Variants in HSP90AA1 observed in about 807,000 individuals in gnomAD.
The protein encoded by HSP90AA1 is heat shock protein HSP 90-alpha.
HSP90AA1 carries 18 observed loss-of-function variants against 73.3 expected under a neutral mutation model. That is an observed-to-expected ratio of 0.25 (90% CI 0.17 to 0.36). The LOEUF is 0.36. Among genes scored for constraint, HSP90AA1 ranks in the 10% least tolerant of loss-of-function variants. The pLI, the probability that HSP90AA1 is intolerant of heterozygous loss-of-function variation, is 1.00. For synonymous variants in HSP90AA1, 477 were observed against 296.9 expected, an observed-to-expected ratio of 1.61 and a Z score of -6.24; for missense variants, 704 against 874.2, an observed-to-expected ratio of 0.81 and a Z score of 2.45.
chr14:102,122,965 G>A (rs2049798860), intron 1 of HSP90AA1, among the ~76,000 whole-genome samples: 1 of 152,130 alleles, frequency 6.6e-6, no homozygotes, highest in South Asian at 2.1e-4. Context: ...ACTGCGCCCA[G>A]CCAATACTCT....
At chr14:102,129,670 T>G (rs1416858190) in intron 1 of HSP90AA1, among the ~76,000 whole-genome samples, 1 of 151,816 alleles carries the variant, frequency 6.6e-6, no homozygotes, top group Non-Finnish European at 1.5e-5. Context: ...TCCCAGCTAA[T>G]TTTTGTATTT....
chr14:102,087,077 G>A, upstream of HSP90AA1: 2 of 983,698 alleles, frequency 2.0e-6, no homozygotes, highest in Non-Finnish European at 2.4e-6. Flanking sequence ...CTTATATAGC[G>A]ACGGGCCCGC....
At position 102,083,089 on chromosome 14, in the gene HSP90AA1, T is replaced by C; in HGVS notation, c.1700A>G (p.Lys567Arg). ...EKKKQEEKKT[K>R]FENLCKIMKD... is the part of the protein sequence containing the mutation. Reference sequence around the variant, plus strand: ...CATGATTTTGCAGAGGTTCTCAAACTTTGTTTTTTTCTCTTCCTGCTTCTT... The same window carrying C: ...CATGATTTTGCAGAGGTTCTCAAACCTTGTTTTTTTCTCTTCCTGCTTCTT... Residue 567 changes from lysine to arginine, a missense_variant, in exon 9 of 11, where the codon AAG becomes AGG. Coordinates refer to ENST00000216281, the MANE Select transcript of HSP90AA1 (RefSeq NM_005348.4). 6.2e-7 allele frequency: 1 copy of C among 1,613,938 alleles called. No homozygotes were observed. Among genetic ancestry groups the C allele is most frequent in the African/African-American group, 1.3e-5 (1 of 75,048 alleles).
At chr14:102,115,519 T>G (rs1392492636) in intron 1 of HSP90AA1, among the ~76,000 whole-genome samples, 1 of 152,176 alleles carries the variant, frequency 6.6e-6, no homozygotes, top group Non-Finnish European at 1.5e-5. Context: ...TGTAACAGTT[T>G]TACACCAACA....
upstream of HSP90AA1, among the ~76,000 whole-genome samples, chr14:102,089,396 C>T (rs76838299): frequency 2.0e-5 from 3 of 152,154 alleles, no homozygotes; most frequent in Admixed American, 1.3e-4. Context: ...TTCCAGCTCT[C>T]CCCCCTCGGT....
At chr14:102,112,395 TG>T (rs1160492107) in intron 1 of HSP90AA1, among the ~76,000 whole-genome samples, 2 of 152,210 alleles carry the variant, frequency 1.3e-5, no homozygotes, top group East Asian at 3.8e-4. Context: ...AGGATGGTCT[TG>T]ATCTCTTGAC....
Position 102,081,452 on chromosome 14 carries a change from T to C in HSP90AA1, c.*260A>G. On this transcript the variant is annotated 3_prime_UTR_variant, in exon 11 of 11. Coordinates refer to ENST00000216281, the MANE Select transcript of HSP90AA1 (RefSeq NM_005348.4). ...TTAGACCACAAAGTTAACATCATGT[T>C]ACATACGTCTTACAGTGCACGTTAC... 1 of 547,178 alleles carries C rather than the reference T, an allele frequency of 1.8e-6. No homozygotes were observed. Among genetic ancestry groups the C allele is most frequent in the East Asian group, 3.1e-5 (1 of 32,482 alleles). The allele number at this position is 547,178 out of a possible 1,614,324, so 33.9% of individuals were successfully genotyped here. A position where few individuals can be genotyped will look rare whatever the true frequency, so the allele number is the denominator to read the frequency against.
intron 1 of HSP90AA1, among the ~76,000 whole-genome samples, chr14:102,112,184 C>T (rs1401088074): frequency 2.0e-5 from 3 of 152,148 alleles, no homozygotes; most frequent in African/African-American, 7.2e-5. Flanking sequence ...TGCTCTCTCT[C>T]TCTTTTTGAG....
upstream of HSP90AA1, among the ~76,000 whole-genome samples, chr14:102,088,657 C>T (rs2049306472): frequency 6.6e-6 from 1 of 152,190 alleles, no homozygotes; most frequent in South Asian, 2.1e-4. Context: ...GGCTTTCCTA[C>T]AGCTGCAGCC....
rs1234857823 is a variant in HSP90AA1, at chr14:102,083,703, A to G, written c.1339-10T>C. On this transcript the variant is annotated splice_polypyrimidine_tract_variant and intron_variant, in intron 7 of 10. Coordinates refer to ENST00000216281, the MANE Select transcript of HSP90AA1 (RefSeq NM_005348.4). Reference sequence around the variant, plus strand: ...CTTCGTGTATTCCAAGCTGAAACAAAGTATGTTCTTTACAAAGACTTTCTG... The same window carrying G: ...CTTCGTGTATTCCAAGCTGAAACAAGGTATGTTCTTTACAAAGACTTTCTG... The G allele has an allele frequency of 6.3e-7, 1 of 1,599,152 alleles. No homozygotes were observed. The highest frequency in any genetic ancestry group is 8.6e-7 in the Non-Finnish European group (1 of 1,166,816).
At position 102,082,461 on chromosome 14, in the gene HSP90AA1, A is replaced by G. The variant is rs2049120493; in HGVS notation, c.1756-17T>C. On this transcript the variant is annotated splice_polypyrimidine_tract_variant and intron_variant, in intron 9 of 10. Coordinates refer to ENST00000216281, the MANE Select transcript of HSP90AA1 (RefSeq NM_005348.4). ...CACAACCACCTGTAATCAAAAAGTG[A>G]TGACTAGGAACCTAGAAAGATTAAT... is the stretch of plus-strand genomic sequence containing the variant. The G allele has an allele frequency of 6.9e-6, 11 of 1,587,438 alleles. No individual in the cohort carries two copies. The Admixed American group carries it at 1.7e-4, about 24-fold the overall frequency.
intron 2 of HSP90AA1, among the ~76,000 whole-genome samples, chr14:102,094,625 G>A (rs2049400742): frequency 6.6e-6 from 1 of 152,170 alleles, no homozygotes; most frequent in Non-Finnish European, 1.5e-5. Context: ...GTTAGCCAGG[G>A]AACAGTGAGA....
Position 102,122,814 on chromosome 14 carries a change from CCT to C in HSP90AA1, c.155+16434_155+16435del, listed in dbSNP as rs558055294. ...TCCCGAGTAGCTGGGATTACAGGTG[CCT>C]GCCACCATGCCCAGCTGATTTTTGT... On this transcript the variant is annotated intron_variant, in intron 1 of 11. Coordinates refer to the HSP90AA1 transcript ENST00000334701. Among the ~76,000 whole-genome samples, 474 of 151,676 alleles carry C rather than the reference CCT, an allele frequency of 3.1e-3. 3 individuals are homozygous for C. The highest frequency in any genetic ancestry group is 0.014 in the Middle Eastern group (4 of 292).
At position 102,082,096 on chromosome 14, in the gene HSP90AA1, T is replaced by C. The variant is rs766839006; in HGVS notation, c.2089+15A>G. 1.2e-5 allele frequency: 18 copies of C among 1,529,520 alleles called. No individual in the cohort carries two copies. Among genetic ancestry groups the C allele is most frequent in the South Asian group, 5.6e-5 (5 of 89,238 alleles). The allele number at this position is 1,529,520 out of a possible 1,614,324, so 94.7% of individuals were successfully genotyped here. On this transcript the variant is annotated intron_variant, in intron 10 of 10. Transcript: ENST00000216281. ...TGTTTATTTTCTTTTTAACATTACA[T>C]AGTATAAGGCTTACCCAGACCAAGT...
chr14:102,091,835 C>T (rs2049362537), upstream of HSP90AA1, among the ~76,000 whole-genome samples: 1 of 152,036 alleles, frequency 6.6e-6, no homozygotes, highest in African/African-American at 2.4e-5. Flanking sequence ...CCATATTACC[C>T]AGGCTGGTCT....
rs777775631 is a variant in HSP90AA1, at chr14:102,081,689, G to GT, written c.*22dup. The stretch of plus-strand genomic sequence containing the variant: ...AGAGGAATTGTAGAGTACTGAACAG[G>GT]TAAGTCATCCCTCAGCCAGAGATTA... On this transcript the variant is annotated 3_prime_UTR_variant, in exon 11 of 11. Coordinates refer to ENST00000216281, the MANE Select transcript of HSP90AA1 (RefSeq NM_005348.4). 4.2e-6 allele frequency: 4 copies of GT among 943,768 alleles called. No homozygotes were observed. Among genetic ancestry groups the GT allele is most frequent in the Admixed American group, 3.4e-5 (2 of 59,182 alleles). The allele number at this position is 943,768 out of a possible 1,614,324, so 58.5% of individuals were successfully genotyped here.
At chr14:102,108,013 C>T (rs557613988) in intron 1 of HSP90AA1, among the ~76,000 whole-genome samples, 1 of 150,650 alleles carries the variant, frequency 6.6e-6, no homozygotes, top group African/African-American at 2.4e-5. Context: ...ACCTGTAATA[C>T]CAGCACTTTG....
chr14:102,126,271 G>A (rs2049837649), intron 1 of HSP90AA1, among the ~76,000 whole-genome samples: 1 of 152,036 alleles, frequency 6.6e-6, no homozygotes, highest in South Asian at 2.1e-4. Flanking sequence ...ACAGGTATGA[G>A]GAACTACAAG....
At chr14:102,134,804 C>A (rs1276935772) in intron 1 of HSP90AA1, among the ~76,000 whole-genome samples, 1 of 152,152 alleles carries the variant, frequency 6.6e-6, no homozygotes, top group African/African-American at 2.4e-5. Flanking sequence ...AAGAACAAAG[C>A]TTCTACAGTG....
Sources: allele counts gnomAD v4.1 joint callset (sites outside exome capture counted in the v4.1 genomes callset), GRCh38; gene constraint gnomAD v4.1.1; transcripts MANE v1.5; gene names NCBI Gene and HGNC (gene_info 2026-07-23, HGNC 2026-07-21).